Variants in ERC2 observed in about 807,000 individuals in gnomAD.
ERC2 encodes ELKS/RAB6-interacting/CAST family member 2.
A neutral mutation model predicts 114.8 loss-of-function variants in ERC2; 42 were observed. The ratio of observed to expected loss-of-function variants is 0.37; its 90% CI spans 0.29 to 0.47. The LOEUF (loss-of-function observed/expected upper bound fraction) is 0.47. ERC2 is among the 20% of genes least tolerant of loss of function. ERC2 has a pLI of 0.99. For synonymous variants in ERC2, 454 were observed against 425.5 expected, an observed-to-expected ratio of 1.07 and a Z score of -0.82; for missense variants, 939 against 1,150.7, an observed-to-expected ratio of 0.82 and a Z score of 2.66.
chr3:55,778,839 T>C (rs2068800839), intron 14 of ERC2, among the ~76,000 whole-genome samples: 1 of 151,662 alleles, frequency 6.6e-6, no homozygotes. Context: ...CAACAACAAG[T>C]AAAACAATTA....
intron 17 of ERC2, among the ~76,000 whole-genome samples, chr3:55,581,490 T>C (rs1377810770): frequency 6.6e-6 from 1 of 152,096 alleles, no homozygotes; most frequent in South Asian, 2.1e-4. Flanking sequence ...GAAGTCTGCA[T>C]GCACAGGTAA....
chr3:56,368,836 C>T (rs1003637513), intron 2 of ERC2, among the ~76,000 whole-genome samples: 1 of 151,578 alleles, frequency 6.6e-6, no homozygotes, highest in Non-Finnish European at 1.5e-5. Context: ...AAAAAAAAAA[C>T]CTGTTTTTGA....
At chr3:56,075,617 G>A (rs1433802854) in intron 7 of ERC2, among the ~76,000 whole-genome samples, 1 of 152,130 alleles carries the variant, frequency 6.6e-6, no homozygotes, top group Non-Finnish European at 1.5e-5. Context: ...ATGCATGTCT[G>A]TCTCCACAAC....
chr3:56,398,022 T>G (rs555098767), intron 2 of ERC2, among the ~76,000 whole-genome samples: 6 of 152,218 alleles, frequency 3.9e-5, no homozygotes, highest in Non-Finnish European at 8.8e-5. Flanking sequence ...CTGAGTTATA[T>G]GGGCATACTT....
intron 6 of ERC2, among the ~76,000 whole-genome samples, chr3:56,124,612 A>G (rs919907235): frequency 2.6e-5 from 4 of 152,258 alleles, no homozygotes; most frequent in African/African-American, 7.2e-5. Flanking sequence ...AGGAAGAAAT[A>G]TAAGACAAGA....
intron 7 of ERC2, among the ~76,000 whole-genome samples, chr3:56,038,395 G>A (rs553440238): frequency 5.9e-5 from 9 of 151,972 alleles, no homozygotes; most frequent in South Asian, 2.1e-4. Flanking sequence ...ACTATCTCAC[G>A]CCAGTCAAAT....
intron 16 of ERC2, among the ~76,000 whole-genome samples, chr3:55,684,953 C>A (rs570812740): frequency 1.3e-5 from 2 of 152,218 alleles, no homozygotes; most frequent in African/African-American, 4.8e-5. Flanking sequence ...TTATTTGACT[C>A]CTTATTGGTT....
chr3:56,425,661 T>G (rs1451509532), intron 2 of ERC2, among the ~76,000 whole-genome samples: 1 of 151,820 alleles, frequency 6.6e-6, no homozygotes, highest in Non-Finnish European at 1.5e-5. Context: ...GTTTCTTCAT[T>G]TGAATGTGTA....
chr3:55,519,952 G>T (rs951726517), intron 17 of ERC2, among the ~76,000 whole-genome samples: 3 of 151,836 alleles, frequency 2.0e-5, no homozygotes, highest in Non-Finnish European at 4.4e-5. Flanking sequence ...CTACTTGGTA[G>T]GCTAAGGTGG....
intron 3 of ERC2, among the ~76,000 whole-genome samples, chr3:56,218,704 G>A (rs192064486): frequency 1.1e-4 from 16 of 152,150 alleles, no homozygotes; most frequent in East Asian, 9.7e-4. Context: ...GGTTTATTGC[G>A]GCACTATTAC....
intron 9 of ERC2, among the ~76,000 whole-genome samples, chr3:56,009,319 A>G (rs1014403642): frequency 6.6e-6 from 1 of 152,166 alleles, no homozygotes; most frequent in African/African-American, 2.4e-5. Context: ...TAGGAAGAGA[A>G]CTCCATTCTT....
chr3:56,145,150 A>T (rs1444923078), intron 5 of ERC2, among the ~76,000 whole-genome samples: 1 of 152,216 alleles, frequency 6.6e-6, no homozygotes, highest in Non-Finnish European at 1.5e-5. Context: ...TTCACTGCAG[A>T]TATGGCCCTT....
rs111574776 is a variant in ERC2 at position 55,551,803 on chromosome 3, C to T, written c.*40-40527G>A. On this transcript the variant is annotated intron_variant, in intron 17 of 17. Transcript: ENST00000288221. ...GTCCAAAAAAATATCCTCACAGAAA[C>T]ATCCAGAATAACGTTTGACCAACTA... is the stretch of plus-strand genomic sequence containing the variant. 6.8e-3 allele frequency among the ~76,000 whole-genome samples: 1,039 copies of T among 152,290 alleles called. 11 individuals are homozygous for T. Among genetic ancestry groups the T allele is most frequent in the African/African-American group, 0.024 (985 of 41,560 alleles).
intron 2 of ERC2, among the ~76,000 whole-genome samples, chr3:56,326,500 C>T (rs930174176): frequency 6.6e-6 from 1 of 152,158 alleles, no homozygotes; most frequent in Non-Finnish European, 1.5e-5. Flanking sequence ...TGTTCATGTC[C>T]AACAGAACCC....
chr3:55,953,794 C>T (rs1038344390), intron 12 of ERC2, among the ~76,000 whole-genome samples: 28 of 152,008 alleles, frequency 1.8e-4, no homozygotes, highest in African/African-American at 6.8e-4. Flanking sequence ...AAAATGACCA[C>T]AGTGATTTTT....
At chr3:56,317,664 T>C (rs1252343420) in intron 2 of ERC2, among the ~76,000 whole-genome samples, 1 of 152,226 alleles carries the variant, frequency 6.6e-6, no homozygotes, top group African/African-American at 2.4e-5. Flanking sequence ...AACACCCCTA[T>C]GTGCCAGGCA....
chr3:56,285,295 G>A (rs1378635407), intron 3 of ERC2, among the ~76,000 whole-genome samples: 1 of 151,768 alleles, frequency 6.6e-6, no homozygotes, highest in African/African-American at 2.4e-5. Context: ...TATACCAGCA[G>A]TTCACCACCA....
At chr3:56,097,016 G>GT (rs1266471114) in intron 6 of ERC2, among the ~76,000 whole-genome samples, 1 of 152,184 alleles carries the variant, frequency 6.6e-6, no homozygotes, top group Admixed American at 6.5e-5. Flanking sequence ...CCACTAAGGT[G>GT]TGTGTTGAAT....
chr3:55,702,317 G>C (rs1174097873), intron 15 of ERC2, among the ~76,000 whole-genome samples: 2 of 152,118 alleles, frequency 1.3e-5, no homozygotes, highest in South Asian at 2.1e-4. Context: ...AGCGGAAGAG[G>C]CTTCTTTTGA....
Sources: allele counts gnomAD v4.1 joint callset (sites outside exome capture counted in the v4.1 genomes callset), GRCh38; gene constraint gnomAD v4.1.1; transcripts MANE v1.5; gene names NCBI Gene and HGNC (gene_info 2026-07-23, HGNC 2026-07-21).